Variants in IQCJ observed in about 807,000 individuals in gnomAD.
IQCJ encodes IQ motif containing J, also known as IQ domain-containing protein J.
IQCJ carries 9 observed loss-of-function variants against 11.0 expected under a neutral mutation model. The observed-to-expected ratio is 0.82, with a 90% CI of 0.49 to 1.43. IQCJ has a LOEUF of 1.43. IQCJ is among the 40% of genes most tolerant of loss of function. IQCJ has a pLI of 0.00. For missense variants in IQCJ, 146 were observed against 133.2 expected (o/e 1.10, Z -0.47); for synonymous variants, 55 against 51.3 (o/e 1.07, Z -0.31).
chr3:159,176,747 C>T (rs886621304), intron 1 of IQCJ, among the ~76,000 whole-genome samples: 1 of 152,058 alleles, frequency 6.6e-6, no homozygotes, highest in African/African-American at 2.4e-5. Context: ...TCATATACTC[C>T]AGTTAAAAAA....
chr3:159,196,063 A>T (rs1003838161), intron 1 of IQCJ, among the ~76,000 whole-genome samples: 36 of 152,284 alleles, frequency 2.4e-4, no homozygotes, highest in African/African-American at 8.7e-4. Context: ...TATAATCCCC[A>T]TTTTTTAGAT....
intron 1 of IQCJ, among the ~76,000 whole-genome samples, chr3:159,127,284 G>A (rs768514351): frequency 1.6e-4 from 25 of 152,168 alleles, no homozygotes; most frequent in Non-Finnish European, 2.9e-5. Flanking sequence ...AGAGGGAGTT[G>A]GGGAGGCAGG....
chr3:159,113,861 C>G (rs1456366538), intron 1 of IQCJ, among the ~76,000 whole-genome samples: 1 of 151,608 alleles, frequency 6.6e-6, no homozygotes, highest in Non-Finnish European at 1.5e-5. Context: ...GGAAAGACCC[C>G]AAAACATTTC....
chr3:159,173,056 C>T (rs1171810011), intron 1 of IQCJ, among the ~76,000 whole-genome samples: 1 of 152,138 alleles, frequency 6.6e-6, no homozygotes, highest in Non-Finnish European at 1.5e-5. Context: ...AGATCTAAGA[C>T]TTAGATGGCC....
At chr3:159,088,853 T>C (rs1717005743) in intron 1 of IQCJ, among the ~76,000 whole-genome samples, 1 of 152,196 alleles carries the variant, frequency 6.6e-6, no homozygotes, top group Non-Finnish European at 1.5e-5. Context: ...AGCACCCTGA[T>C]GGGTCTTGAC....
chr3:159,107,147 C>T (rs1442357915), intron 1 of IQCJ, among the ~76,000 whole-genome samples: 3 of 152,100 alleles, frequency 2.0e-5, no homozygotes, highest in Non-Finnish European at 4.4e-5. Context: ...TTTTGTGTCT[C>T]CTCTACCCCA....
intron 3 of IQCJ, among the ~76,000 whole-genome samples, chr3:159,253,167 T>TCACA (rs149334599): frequency 1.7e-4 from 26 of 151,802 alleles, no homozygotes; most frequent in African/African-American, 5.6e-4. Flanking sequence ...CATCTATGTA[T>TCACA]CACACACACA....
At chr3:159,207,589 G>A (rs1724722931) in intron 1 of IQCJ, among the ~76,000 whole-genome samples, 1 of 152,180 alleles carries the variant, frequency 6.6e-6, no homozygotes, top group African/African-American at 2.4e-5. Flanking sequence ...TGCAGCTCTG[G>A]TGTCGTGGGG....
intron 1 of IQCJ, among the ~76,000 whole-genome samples, chr3:159,157,681 C>A (rs1404675789): frequency 6.6e-6 from 1 of 152,176 alleles, no homozygotes; most frequent in Non-Finnish European, 1.5e-5. Flanking sequence ...CTAACATCTA[C>A]ATGATTCTCA....
chr3:159,169,016 T>G (rs1227854858), intron 1 of IQCJ, among the ~76,000 whole-genome samples: 1 of 152,044 alleles, frequency 6.6e-6, no homozygotes, highest in Non-Finnish European at 1.5e-5. Context: ...CTGCTATTTA[T>G]TTTAGCACAT....
intron 1 of IQCJ, among the ~76,000 whole-genome samples, chr3:159,193,441 C>A (rs1723803092): frequency 6.6e-6 from 1 of 152,166 alleles, no homozygotes; most frequent in African/African-American, 2.4e-5. Flanking sequence ...GTGATAGGAG[C>A]AGTGGTCCCA....
chr3:159,242,569 C>CTT (rs35549315), intron 1 of IQCJ, among the ~76,000 whole-genome samples: 1 of 139,850 alleles, frequency 7.2e-6, no homozygotes, highest in Non-Finnish European at 1.6e-5. Flanking sequence ...CCAGCTGAAT[C>CTT]TTTTTTTTTT....
chr3:159,118,188 T>A (rs988644696), intron 1 of IQCJ, among the ~76,000 whole-genome samples: 34 of 152,124 alleles, frequency 2.2e-4, no homozygotes, highest in African/African-American at 7.5e-4. Flanking sequence ...GATGTAGGTG[T>A]TAGCTTAAAA....
intron 1 of IQCJ, among the ~76,000 whole-genome samples, chr3:159,183,998 C>G (rs561882013): frequency 1.3e-5 from 2 of 151,464 alleles, no homozygotes; most frequent in African/African-American, 4.9e-5. Context: ...GTTGCCCACG[C>G]AGCAGCCAGA....
chr3:159,227,694 A>T (rs1330893937), intron 1 of IQCJ, among the ~76,000 whole-genome samples: 4 of 152,324 alleles, frequency 2.6e-5, no homozygotes, highest in Middle Eastern at 3.4e-3. Flanking sequence ...ACATTCCTCA[A>T]AGAGGATTAT....
chr3:159,088,181 G>A (rs1344774172), intron 1 of IQCJ, among the ~76,000 whole-genome samples: 1 of 152,118 alleles, frequency 6.6e-6, no homozygotes, highest in Non-Finnish European at 1.5e-5. Flanking sequence ...TATGTACCCA[G>A]TAATCATTCA....
At position 159,166,074 on chromosome 3, in the gene IQCJ, C is replaced by T. The variant is rs1722150286; in HGVS notation, c.10-79769C>T. Among the ~76,000 whole-genome samples, 7 of 151,858 alleles carry T rather than the reference C, an allele frequency of 4.6e-5. No homozygotes were observed. The South Asian group carries it at 1.2e-3, about 27-fold the overall frequency. ...GAAATAATTTTATTGATGTTTTTCTCCAGCAGGTGGAAATCCTAACAGATT... is the reference window on the plus strand; with the variant it reads ...GAAATAATTTTATTGATGTTTTTCTTCAGCAGGTGGAAATCCTAACAGATT... On this transcript the variant is annotated intron_variant, in intron 1 of 3. Transcript: ENST00000397832.
chr3:159,250,184 A>C (rs924737411), intron 2 of IQCJ, among the ~76,000 whole-genome samples: 1 of 152,172 alleles, frequency 6.6e-6, no homozygotes, highest in South Asian at 2.1e-4. Flanking sequence ...GAATGAACTA[A>C]AGCTATCAGA....
At chr3:159,206,095 T>C (rs1396977960) in intron 1 of IQCJ, among the ~76,000 whole-genome samples, 1 of 152,212 alleles carries the variant, frequency 6.6e-6, no homozygotes, top group Non-Finnish European at 1.5e-5. Flanking sequence ...CCCTCCATCC[T>C]GAAAATTTCT....
Sources: allele counts gnomAD v4.1 joint callset (sites outside exome capture counted in the v4.1 genomes callset), GRCh38; gene constraint gnomAD v4.1.1; transcripts MANE v1.5; gene names NCBI Gene and HGNC (gene_info 2026-07-23, HGNC 2026-07-21).